The following PIGK variants were observed in gnomAD, a reference collection of about 807,000 sequenced individuals.
The protein encoded by PIGK is phosphatidylinositol glycan anchor biosynthesis class K, also known as GPI-anchor transamidase.
Under a neutral mutation model 50.6 loss-of-function variants are expected in PIGK, and 42 were observed. That is an observed-to-expected ratio of 0.83 (90% CI 0.65 to 1.07). The LOEUF is 1.07. PIGK is among the 50% of genes least tolerant of loss of function. The pLI is 0.00. For missense variants in PIGK, 448 were observed against 488.7 expected (o/e 0.92, Z 0.78); for synonymous variants, 151 against 156.0 (o/e 0.97, Z 0.24).
At chr1:77,211,632 C>A (rs1656424288) in intron 1 of PIGK, among the ~76,000 whole-genome samples, 2 of 151,954 alleles carry the variant, frequency 1.3e-5, no homozygotes, top group Non-Finnish European at 2.9e-5. Context: ...ACTCTTTGAA[C>A]TTCTCATAGA....
chr1:77,145,113 T>A (rs1654738103), intron 9 of PIGK, among the ~76,000 whole-genome samples: 1 of 152,018 alleles, frequency 6.6e-6, no homozygotes, highest in Non-Finnish European at 1.5e-5. Flanking sequence ...AATCATGTGA[T>A]CATAGTTTCA....
intron 9 of PIGK, among the ~76,000 whole-genome samples, chr1:77,150,458 C>T (rs1654870934): frequency 6.9e-6 from 1 of 145,974 alleles, no homozygotes; most frequent in Non-Finnish European, 1.5e-5. Flanking sequence ...GAGTTCCAGA[C>T]TAGCTTGAGC....
At chr1:77,164,159 G>T (rs941417406) in intron 5 of PIGK, among the ~76,000 whole-genome samples, 1 of 152,194 alleles carries the variant, frequency 6.6e-6, no homozygotes, top group Non-Finnish European at 1.5e-5. Flanking sequence ...CTTTAATAGG[G>T]TTTCTAATAT....
At chr1:77,154,174 G>C (rs1218548365) in intron 9 of PIGK, 2 of 485,842 alleles carry the variant, frequency 4.1e-6, no homozygotes, top group African/African-American at 4.0e-5. Context: ...TATGGGAAAA[G>C]TTTTAGGCCT....
At chr1:77,204,610 T>G (rs1380511115) in intron 3 of PIGK, among the ~76,000 whole-genome samples, 1 of 152,116 alleles carries the variant, frequency 6.6e-6, no homozygotes, top group Non-Finnish European at 1.5e-5. Context: ...CGACATGTGA[T>G]GTCTCCCCTG....
intron 3 of PIGK, among the ~76,000 whole-genome samples, chr1:77,205,926 A>G (rs760704795): frequency 2.6e-5 from 4 of 152,136 alleles, no homozygotes; most frequent in Non-Finnish European, 5.9e-5. Context: ...ACCTTCCTAT[A>G]TAGAGGCTAA....
rs748196915 is a variant in PIGK, at chr1:77,122,255, G to C, written c.1071+20C>G. 5 of 1,447,582 alleles carry C rather than the reference G, an allele frequency of 3.5e-6. No individual in the cohort carries two copies. Among genetic ancestry groups the C allele is most frequent in the Non-Finnish European group, 4.8e-6 (5 of 1,034,966 alleles). 89.7% of individuals were successfully genotyped at this position (1,447,582 alleles called of 1,614,324 possible). On this transcript the variant is annotated intron_variant, in intron 10 of 10. Coordinates refer to ENST00000370812, the MANE Select transcript of PIGK (RefSeq NM_005482.3). The stretch of plus-strand genomic sequence containing the variant: ...ATTAAAAATCTTGTTTCTTTCAAAA[G>C]AATAAAATGAAATGCAAACCTGGTG...
chr1:77,192,906 C>T (rs1655942638), intron 3 of PIGK, among the ~76,000 whole-genome samples: 1 of 152,088 alleles, frequency 6.6e-6, no homozygotes, highest in South Asian at 2.1e-4. Flanking sequence ...GAAAAGTTGA[C>T]AGGTTCTGAT....
chr1:77,150,191 A>AC (rs769592572), intron 9 of PIGK, among the ~76,000 whole-genome samples: 4 of 152,112 alleles, frequency 2.6e-5, no homozygotes, highest in Non-Finnish European at 4.4e-5. Flanking sequence ...AAAAATCAAG[A>AC]GCAAAACAAA....
At chr1:77,166,931 T>G (rs1170579999) in intron 4 of PIGK, 101 bp from the exon 5 acceptor site, 1 of 666,916 alleles carries the variant, frequency 1.5e-6, no homozygotes, top group African/African-American at 1.9e-5. Flanking sequence ...TTTCTCCATA[T>G]ATTACTCAGC....
intron 3 of PIGK, among the ~76,000 whole-genome samples, chr1:77,200,381 C>A (rs947211712): frequency 1.3e-5 from 2 of 151,970 alleles, no homozygotes; most frequent in South Asian, 2.1e-4. Context: ...ATCAGAGAAG[C>A]ATTTCTTATA....
intron 1 of PIGK, among the ~76,000 whole-genome samples, chr1:77,211,805 C>CTTTT (rs35286994): frequency 5.8e-5 from 8 of 137,416 alleles, no homozygotes; most frequent in East Asian, 2.1e-4. Context: ...TTCTTTCTTT[C>CTTTT]TTTTTTTTTT....
chr1:77,201,098 C>A (rs554241895), intron 3 of PIGK, among the ~76,000 whole-genome samples: 1 of 152,200 alleles, frequency 6.6e-6, no homozygotes, highest in South Asian at 2.1e-4. Flanking sequence ...CGTATAAGGC[C>A]AAATCCACAG....
At chr1:77,105,489 C>T (rs1054622387) in intron 10 of PIGK, among the ~76,000 whole-genome samples, 2 of 151,786 alleles carry the variant, frequency 1.3e-5, no homozygotes, top group African/African-American at 4.8e-5. Context: ...TCAATAATAG[C>T]TGAAATTTTT....
chr1:77,161,718 GA>G lies in PIGK; in HGVS notation c.585-8del. On this transcript the variant is annotated splice_polypyrimidine_tract_variant and splice_region_variant and intron_variant, in intron 6 of 10. Transcript: ENST00000370812. ...AAACAGTAGCTCATTGTAGCTGAAA[GA>G]AAAATGATAACATCTTTGACAAGGA... 9.0e-7 allele frequency: 1 copy of G among 1,112,814 alleles called. No homozygotes were observed. The highest frequency in any genetic ancestry group is 1.4e-6 in the Non-Finnish European group (1 of 725,016). 68.9% of individuals were successfully genotyped at this position (1,112,814 alleles called of 1,614,324 possible).
At chr1:77,108,679 A>G (rs1313550925) in intron 10 of PIGK, among the ~76,000 whole-genome samples, 2 of 152,192 alleles carry the variant, frequency 1.3e-5, no homozygotes, top group Non-Finnish European at 2.9e-5. Context: ...AATATCCTGC[A>G]GAGTGTTTTC....
At chr1:77,113,052 T>A (rs1452723697) in intron 10 of PIGK, among the ~76,000 whole-genome samples, 1 of 152,112 alleles carries the variant, frequency 6.6e-6, no homozygotes, top group Admixed American at 6.6e-5. Flanking sequence ...AAAATTGCAA[T>A]GAATTTTAAA....
chr1:77,115,324 T>C (rs1276160503), intron 10 of PIGK, among the ~76,000 whole-genome samples: 1 of 152,162 alleles, frequency 6.6e-6, no homozygotes, highest in Admixed American at 6.6e-5. Context: ...ATTATACAAA[T>C]AAAATGTTTG....
At chr1:77,139,565 C>T (rs904525929) in intron 9 of PIGK, among the ~76,000 whole-genome samples, 1 of 152,118 alleles carries the variant, frequency 6.6e-6, no homozygotes, top group Non-Finnish European at 1.5e-5. Flanking sequence ...AGGGAAGCTG[C>T]ATGTTTAGAA....
Sources: gnomAD v4.1 joint callset for allele counts (sites outside exome capture counted in the v4.1 genomes callset) on GRCh38, gnomAD v4.1.1 for gene constraint, MANE v1.5 for transcripts, NCBI Gene and HGNC (gene_info 2026-07-23, HGNC 2026-07-21) for gene names.